The following ZNF565 variants were observed in gnomAD, a reference collection of about 807,000 sequenced individuals.
The protein encoded by ZNF565 is zinc finger protein 565.
Under a neutral mutation model 39.4 loss-of-function variants are expected in ZNF565, and 27 were observed. The observed-to-expected ratio is 0.69, with a 90% CI of 0.51 to 0.95. The LOEUF (loss-of-function observed/expected upper bound fraction) is 0.95, where lower values mean the gene tolerates loss of function less well. ZNF565 is among the 40% of genes least tolerant of loss of function. The probability of loss-of-function intolerance (pLI) is 0.00; values close to 1 mark genes in which losing one functional copy is unlikely to be tolerated. For synonymous variants in ZNF565, 185 were observed against 216.6 expected (o/e 0.85, Z 1.28); for missense variants, 524 against 621.1 (o/e 0.84, Z 1.66).
intron 1 of ZNF565, among the ~76,000 whole-genome samples, chr19:36,226,560 C>G (rs1428491131): frequency 6.6e-6 from 1 of 152,174 alleles, no homozygotes; most frequent in East Asian, 1.9e-4. Context: ...CTCTCTTTCT[C>G]CAAATGTGTA....
intron 1 of ZNF565, among the ~76,000 whole-genome samples, chr19:36,241,865 TAACTC>T (rs199712609): frequency 0.013 from 1,891 of 150,080 alleles, 39 homozygotes; most frequent in African/African-American, 0.043. Context: ...ATACAAAACT[TAACTC>T]AAAAGTGTCC....
intron 2 of ZNF565, among the ~76,000 whole-genome samples, chr19:36,197,999 AT>A (rs1975825785): frequency 6.6e-6 from 1 of 152,048 alleles, no homozygotes; most frequent in African/African-American, 2.4e-5. Context: ...AATACAAAAA[AT>A]TAGCTGGGCA....
intron 1 of ZNF565, among the ~76,000 whole-genome samples, chr19:36,233,915 G>C (rs942242972): frequency 2.0e-5 from 3 of 146,652 alleles, no homozygotes; most frequent in African/African-American, 8.3e-5. Context: ...GACCCTTTAC[G>C]GGTGTCGGAC....
chr19:36,227,986 C>T (rs1977148286), intron 1 of ZNF565, among the ~76,000 whole-genome samples: 1 of 152,058 alleles, frequency 6.6e-6, no homozygotes, highest in South Asian at 2.1e-4. Context: ...CATGGTGAAA[C>T]TCTGTCTCTA....
At chr19:36,200,842 T>C (rs1448599815) in intron 2 of ZNF565, among the ~76,000 whole-genome samples, 3 of 151,984 alleles carry the variant, frequency 2.0e-5, no homozygotes, top group African/African-American at 7.3e-5. Flanking sequence ...CGGAGTGCAG[T>C]GGCGTGATCT....
intron 2 of ZNF565, among the ~76,000 whole-genome samples, chr19:36,200,426 A>T (rs933629719): frequency 6.6e-6 from 1 of 152,148 alleles, no homozygotes; most frequent in African/African-American, 2.4e-5. Context: ...AAATCAAAAA[A>T]TTTAGTGGCA....
At position 36,245,821 on chromosome 19, in the gene ZNF565, C is replaced by A; in HGVS notation, c.-291G>T. Reference sequence around the variant, plus strand: ...CTTGAGTCCCGGTTCCTTCGCCCAGCTGCGGGCCTCGGGCTACTGGATCCG... The same window carrying A: ...CTTGAGTCCCGGTTCCTTCGCCCAGATGCGGGCCTCGGGCTACTGGATCCG... On this transcript the variant is annotated 5_prime_UTR_variant, in exon 1 of 5. Coordinates refer to the ZNF565 transcript ENST00000355114. The surrounding 1 kb of genome is among the most constrained non-coding windows in gnomAD (Gnocchi z 4.4). 2.6e-6 allele frequency: 1 copy of A among 378,042 alleles called. No homozygotes were observed. The allele number at this position is 378,042 out of a possible 1,614,324, so 23.4% of individuals were successfully genotyped here.
rs142628889 is a variant in ZNF565 at position 36,243,187 on chromosome 19, C to T, written c.55+2289G>A. Among the ~76,000 whole-genome samples, 139 of 152,250 alleles carry T rather than the reference C, an allele frequency of 9.1e-4. No homozygotes were observed. The East Asian group carries it at 0.018, about 19-fold the overall frequency. On this transcript the variant is annotated intron_variant, in intron 1 of 4. Transcript: ENST00000355114. ...TAGCTGGGATGACAGGCGCCCTCCA[C>T]CACGCCCGGCTAATTTTTGTATTTT...
intron 1 of ZNF565, among the ~76,000 whole-genome samples, chr19:36,239,323 A>G (rs1288085278): frequency 6.9e-6 from 1 of 145,946 alleles, no homozygotes; most frequent in East Asian, 2.0e-4. Context: ...ATTTTTGATA[A>G]TATCTTTTTT....
intron 1 of ZNF565, chr19:36,235,859 G>A (rs1189323554): frequency 6.6e-6 from 1 of 152,208 alleles, no homozygotes; most frequent in African/African-American, 2.4e-5. Context: ...AACACAACCT[G>A]GACTGAAATC....
intron 1 of ZNF565, among the ~76,000 whole-genome samples, chr19:36,209,074 T>G (rs1976258108): frequency 6.6e-6 from 1 of 152,082 alleles, no homozygotes; most frequent in Non-Finnish European, 1.5e-5. Context: ...TCAAACAATT[T>G]TCCCACCTCG....
At chr19:36,208,167 T>C (rs552025493) in intron 1 of ZNF565, among the ~76,000 whole-genome samples, 68 of 151,634 alleles carry the variant, frequency 4.5e-4, no homozygotes, top group Non-Finnish European at 8.4e-4. Flanking sequence ...CACAAACCCA[T>C]AATGTGAAAC....
intron 1 of ZNF565, among the ~76,000 whole-genome samples, chr19:36,210,699 G>A (rs572292622): frequency 1.3e-5 from 2 of 150,200 alleles, no homozygotes; most frequent in Non-Finnish European, 1.5e-5. Flanking sequence ...ATCTTGGCTC[G>A]CTGCAACCTC....
intron 4 of ZNF565, among the ~76,000 whole-genome samples, chr19:36,191,314 CTTT>C (rs768603825): frequency 8.0e-6 from 1 of 125,044 alleles, no homozygotes; most frequent in Non-Finnish European, 1.7e-5. Flanking sequence ...ATTTTTCTTT[CTTT>C]TTTTTTTTTT....
At position 36,245,589 on chromosome 19, in the gene ZNF565, G is replaced by A. The variant is rs1568441545; in HGVS notation, c.-59C>T. 5.7e-6 allele frequency: 4 copies of A among 701,808 alleles called. No individual in the cohort carries two copies. The East Asian group carries it at 1.1e-4, about 19-fold the overall frequency. The allele number at this position is 701,808 out of a possible 1,614,324, so 43.5% of individuals were successfully genotyped here. A position where few individuals can be genotyped will look rare whatever the true frequency, so the allele number is the denominator to read the frequency against. The stretch of plus-strand genomic sequence containing the variant: ...AGGGTCCACCGCGGATCTAGGAGGA[G>A]GCTTGAGATGCAGCCTCCCAGCTTC... On this transcript the variant is annotated 5_prime_UTR_variant, in exon 1 of 5. Coordinates refer to the ZNF565 transcript ENST00000355114. The surrounding 1 kb of genome is among the most constrained non-coding windows in gnomAD (Gnocchi z 4.4).
intron 1 of ZNF565, among the ~76,000 whole-genome samples, chr19:36,209,417 C>T (rs1031932368): frequency 6.6e-6 from 1 of 152,116 alleles, no homozygotes; most frequent in Non-Finnish European, 1.5e-5. Flanking sequence ...ATTGCTTGAA[C>T]CCGAGAGGTG....
chr19:36,215,583 G>A (rs181179813), upstream of ZNF565, among the ~76,000 whole-genome samples: 22 of 152,186 alleles, frequency 1.4e-4, no homozygotes, highest in South Asian at 4.1e-4. Flanking sequence ...GAAAAGCTAA[G>A]TGGTGAATAA....
chr19:36,201,892 G>A (rs1392464683), intron 2 of ZNF565, 85 bp downstream of exon 2: 22 of 1,504,678 alleles, frequency 1.5e-5, no homozygotes, highest in Non-Finnish European at 1.9e-5. Flanking sequence ...AAGGATACAG[G>A]GAAGTTCCAG....
At chr19:36,190,737 C>T (rs1354407808) in intron 4 of ZNF565, among the ~76,000 whole-genome samples, 1 of 151,876 alleles carries the variant, frequency 6.6e-6, no homozygotes, top group East Asian at 1.9e-4. Flanking sequence ...AATCCCAGCA[C>T]TTTGGGAGTT....
Sources: gnomAD v4.1 joint callset for allele counts (sites outside exome capture counted in the v4.1 genomes callset) on GRCh38, gnomAD v4.1.1 for gene constraint, Gnocchi (gnomAD v3.1) non-coding constraint, MANE v1.5 for transcripts, NCBI Gene and HGNC (gene_info 2026-07-23, HGNC 2026-07-21) for gene names.